GNG2: variants seen among roughly 807,000 people sequenced by gnomAD.
GNG2 encodes the protein guanine nucleotide-binding protein G(I)/G(S)/G(O) subunit gamma-2.
Under a neutral mutation model 5.5 loss-of-function variants are expected in GNG2, and 5 were observed. That is an observed-to-expected ratio of 0.91 (90% CI 0.48 to 1.92). The LOEUF is 1.92. Ranked by LOEUF, GNG2 falls within the 30% of genes most tolerant of loss-of-function variation. GNG2 has a pLI of 0.01. For missense variants in GNG2, 55 were observed against 88.4 expected (o/e 0.62, Z 1.52); for synonymous variants, 28 against 32.0 (o/e 0.88, Z 0.42).
At chr14:51,869,871 A>G (rs1012994347) in intron 1 of GNG2, among the ~76,000 whole-genome samples, 4 of 152,158 alleles carry the variant, frequency 2.6e-5, no homozygotes, top group Non-Finnish European at 5.9e-5. Context: ...CTCACAACTC[A>G]CATGCTATAT....
chr14:51,888,718 C>T (rs187155321), intron 2 of GNG2, among the ~76,000 whole-genome samples: 19 of 152,272 alleles, frequency 1.2e-4, no homozygotes, highest in Admixed American at 4.6e-4. Flanking sequence ...GGTATAAATG[C>T]AGATATAATA....
At chr14:51,871,899 G>A (rs1197334927) in intron 1 of GNG2, among the ~76,000 whole-genome samples, 1 of 152,210 alleles carries the variant, frequency 6.6e-6, no homozygotes, top group Non-Finnish European at 1.5e-5. Context: ...TTCCTTTCCA[G>A]CTCAGGATAG....
chr14:51,911,370 T>A (rs1207141402), intron 2 of GNG2, among the ~76,000 whole-genome samples: 1 of 152,098 alleles, frequency 6.6e-6, no homozygotes, highest in Non-Finnish European at 1.5e-5. Context: ...AACTTGGAGT[T>A]CTTGTGTCCT....
chr14:51,879,772 A>G (rs867984882), intron 2 of GNG2, among the ~76,000 whole-genome samples: 3 of 152,204 alleles, frequency 2.0e-5, no homozygotes, highest in Admixed American at 2.0e-4. Flanking sequence ...AAGATTGAAC[A>G]TACCTGGATA....
intron 2 of GNG2, among the ~76,000 whole-genome samples, chr14:51,898,278 G>C (rs1331648652): frequency 1.3e-5 from 2 of 151,942 alleles, no homozygotes; most frequent in African/African-American, 4.8e-5. Context: ...TCCTTTCTTA[G>C]TGGTTCTTTT....
At chr14:51,877,591 C>G (rs969172532) in intron 1 of GNG2, 26 bp from the exon 2 acceptor site, 1 of 455,392 alleles carries the variant, frequency 2.2e-6, no homozygotes, top group Non-Finnish European at 4.4e-6. Context: ...TTAAAAAATT[C>G]GTTTTTCTCT....
intron 2 of GNG2, among the ~76,000 whole-genome samples, chr14:51,923,526 T>TATATATATACACATATACAC (rs1491401457): frequency 6.9e-6 from 1 of 145,898 alleles, no homozygotes. Context: ...TATATATGTG[T>TATATATATACACATATACAC]ATATATATAC....
chr14:51,849,162 G>T (rs1881790074), intron 2 of GNG2, among the ~76,000 whole-genome samples: 1 of 152,118 alleles, frequency 6.6e-6, no homozygotes, highest in Non-Finnish European at 1.5e-5. Flanking sequence ...TTCCAAGGTG[G>T]CTCGCTTACA....
chr14:51,946,749 T>A (rs990960376), intron 2 of GNG2, among the ~76,000 whole-genome samples: 2 of 152,118 alleles, frequency 1.3e-5, no homozygotes, highest in Admixed American at 6.5e-5. Flanking sequence ...GATCCCCCAC[T>A]ACGTGACTCT....
intron 2 of GNG2, among the ~76,000 whole-genome samples, chr14:51,889,789 C>A (rs1212867916): frequency 2.0e-5 from 3 of 152,146 alleles, no homozygotes; most frequent in Non-Finnish European, 4.4e-5. Flanking sequence ...TAGTTCAGTG[C>A]CGTACTGTTT....
At chr14:51,863,906 T>C (rs1424055263) in intron 1 of GNG2, among the ~76,000 whole-genome samples, 2 of 152,224 alleles carry the variant, frequency 1.3e-5, no homozygotes, top group East Asian at 1.9e-4. Flanking sequence ...TAGACTATAC[T>C]TTGTTTATTC....
At chr14:51,914,460 C>A (rs8019382) in intron 2 of GNG2, among the ~76,000 whole-genome samples, 51,606 of 151,976 alleles carry the variant, frequency 0.34, 9,610 homozygotes, top group East Asian at 0.53. Flanking sequence ...TGTTTTGGCA[C>A]GAGGTTTGGT....
At chr14:51,948,846 G>T (rs1888794203) in intron 2 of GNG2, among the ~76,000 whole-genome samples, 1 of 152,116 alleles carries the variant, frequency 6.6e-6, no homozygotes, top group Admixed American at 6.5e-5. Flanking sequence ...GGATGGCCGG[G>T]CGTGGTGGCT....
intron 2 of GNG2, among the ~76,000 whole-genome samples, chr14:51,926,738 CTG>C (rs1164508389): frequency 6.6e-6 from 1 of 152,180 alleles, no homozygotes; most frequent in Admixed American, 6.5e-5. Flanking sequence ...CTTAGCAGGA[CTG>C]TGGCTTTGCT....
intron 2 of GNG2, among the ~76,000 whole-genome samples, chr14:51,935,859 T>A (rs992925110): frequency 6.6e-6 from 1 of 152,138 alleles, no homozygotes; most frequent in Admixed American, 6.5e-5. Context: ...GAGAGAGCGA[T>A]GTTTTCTGAG....
At chr14:51,943,846 T>C (rs1394039674) in intron 2 of GNG2, among the ~76,000 whole-genome samples, 1 of 152,208 alleles carries the variant, frequency 6.6e-6, no homozygotes, top group Non-Finnish European at 1.5e-5. Flanking sequence ...AAGACAATAG[T>C]GTTAAAATGT....
intron 2 of GNG2, among the ~76,000 whole-genome samples, chr14:51,838,691 T>C (rs1881406522): frequency 6.6e-6 from 1 of 152,218 alleles, no homozygotes; most frequent in African/African-American, 2.4e-5. Context: ...TATATACATC[T>C]ATCGTATGTC....
At chr14:51,871,865 G>T (rs1412165233) in intron 1 of GNG2, among the ~76,000 whole-genome samples, 1 of 152,222 alleles carries the variant, frequency 6.6e-6, no homozygotes, top group Non-Finnish European at 1.5e-5. Flanking sequence ...GAATCCATGT[G>T]CTTAGCCATC....
chr14:51,926,605 C>A (rs1436224854), intron 2 of GNG2, among the ~76,000 whole-genome samples: 1 of 152,200 alleles, frequency 6.6e-6, no homozygotes, highest in Non-Finnish European at 1.5e-5. Flanking sequence ...GGCCTGCGCA[C>A]TGGGCAGAGT....
Sources: gnomAD v4.1 joint callset for allele counts (sites outside exome capture counted in the v4.1 genomes callset) on GRCh38, gnomAD v4.1.1 for gene constraint, MANE v1.5 for transcripts, NCBI Gene and HGNC (gene_info 2026-07-23, HGNC 2026-07-21) for gene names.